The following RYR2 variants were observed in gnomAD, a reference collection of about 807,000 sequenced individuals.
RYR2 encodes the protein cardiac muscle ryanodine receptor-calcium release channel.
A neutral mutation model predicts 601.1 loss-of-function variants in RYR2; 227 were observed. The ratio of observed to expected loss-of-function variants is 0.38; its 90% CI spans 0.34 to 0.42. RYR2 has a LOEUF of 0.42. RYR2 is among the 10% of genes least tolerant of loss of function. The pLI, the probability that RYR2 is intolerant of heterozygous loss-of-function variation, is 1.00. For synonymous variants in RYR2, 2,223 were observed against 2,175.1 expected (o/e 1.02, Z -0.61); for missense variants, 4,646 against 6,156.5 (o/e 0.75, Z 8.21).
In RYR2 at chr1:237,727,202, CG is replaced by C; in HGVS notation, c.10838+5del. 1 of 1,424,092 alleles carries C rather than the reference CG, an allele frequency of 7.0e-7. No individual in the cohort carries two copies. The highest frequency in any genetic ancestry group is 9.6e-7 in the Non-Finnish European group (1 of 1,041,478). 88.2% of individuals were successfully genotyped at this position (1,424,092 alleles called of 1,614,324 possible). ...GCCCCCTTATATAATCTGCCAAGGT[CG>C]GAATTACTTTATTTTTTGTAATAGA... is the stretch of plus-strand genomic sequence containing the variant. On this transcript the variant is annotated splice_donor_region_variant and intron_variant, in intron 76 of 104. Coordinates refer to ENST00000366574, the MANE Select transcript of RYR2 (RefSeq NM_001035.3).
In RYR2 at chr1:237,301,049, T is replaced by C. The variant is rs961146221; in HGVS notation, c.169-29829T>C. Among the ~76,000 whole-genome samples, 6 of 152,140 alleles carry C rather than the reference T, an allele frequency of 3.9e-5. No homozygotes were observed. The South Asian group carries it at 1.2e-3, about 31-fold the overall frequency. On this transcript the variant is annotated intron_variant, in intron 2 of 104. Transcript: ENST00000366574. The stretch of plus-strand genomic sequence containing the variant: ...AGGAAGTTGTTGTATTATAAGTAGT[T>C]ATAGAAATTATGAACACATGGCTTT...
intron 1 of RYR2, among the ~76,000 whole-genome samples, chr1:237,065,783 A>T (rs1663529070): frequency 6.6e-6 from 1 of 152,224 alleles, no homozygotes; most frequent in African/African-American, 2.4e-5. Context: ...TCATGGTTCC[A>T]CAGGCTATAC....
At chr1:237,533,939 T>C (rs1174694031) in intron 25 of RYR2, among the ~76,000 whole-genome samples, 1 of 152,044 alleles carries the variant, frequency 6.6e-6, no homozygotes, top group Non-Finnish European at 1.5e-5. Context: ...TTTATAATGA[T>C]TTTTTAAAAT....
chr1:237,165,143 A>C (rs1361310955), intron 1 of RYR2, among the ~76,000 whole-genome samples: 1 of 151,266 alleles, frequency 6.6e-6, no homozygotes, highest in East Asian at 1.9e-4. Context: ...TTTTTTGTAG[A>C]GATGGGGTCT....
At chr1:237,798,275 A>G in intron 97 of RYR2, 105 bp downstream of exon 97, 2 of 1,038,218 alleles carry the variant, frequency 1.9e-6, no homozygotes, top group Non-Finnish European at 2.7e-6. Flanking sequence ...ATGTCAGAAG[A>G]ATAGATAGAT....
At position 237,209,833 on chromosome 1, in the gene RYR2, G is replaced by A. The variant is rs570623655; in HGVS notation, c.49-60664G>A. Among the ~76,000 whole-genome samples, 62 of 152,252 alleles carry A rather than the reference G, an allele frequency of 4.1e-4. 1 individual carries two copies. Among genetic ancestry groups the A allele is most frequent in the African/African-American group, 1.4e-3 (58 of 41,550 alleles). ...ATTGTGCCACTGCACTCCAGCCTAG[G>A]TGACAGAGCAAGATCTTGTCTCAAA... is the stretch of plus-strand genomic sequence containing the variant. On this transcript the variant is annotated intron_variant, in intron 1 of 104. Transcript: ENST00000366574.
intron 3 of RYR2, 85 bp from the exon 4 acceptor site, chr1:237,355,880 A>C: frequency 8.3e-7 from 1 of 1,210,168 alleles, no homozygotes; most frequent in South Asian, 1.3e-5. Flanking sequence ...GACCAAATTG[A>C]TATCAATTCA....
Position 237,667,975 on chromosome 1 carries a change from A to C in RYR2, c.8590+17A>C. ...AGTCCAAAGGTAATATTTTCTAAAA[A>C]CGTTTATTAAAAAATAATCTGAGCT... On this transcript the variant is annotated intron_variant, in intron 58 of 104. Transcript: ENST00000366574. 3 of 1,541,586 alleles carry C rather than the reference A, an allele frequency of 1.9e-6. No homozygotes were observed. The highest frequency in any genetic ancestry group is 2.6e-6 in the Non-Finnish European group (3 of 1,140,362).
intron 10 of RYR2, among the ~76,000 whole-genome samples, chr1:237,391,225 C>T (rs942981531): frequency 6.6e-5 from 10 of 151,998 alleles, no homozygotes; most frequent in East Asian, 5.8e-4. Flanking sequence ...TAGCTCACCC[C>T]GGAAGCAGCC....
At chr1:237,754,157 T>A (rs1048091595) in intron 80 of RYR2, among the ~76,000 whole-genome samples, 1 of 151,418 alleles carries the variant, frequency 6.6e-6, no homozygotes, top group Admixed American at 6.6e-5. Context: ...GCTCAATGTT[T>A]TTTTTTTTTT....
chr1:237,394,897 T>TA (rs1284859160), intron 10 of RYR2, among the ~76,000 whole-genome samples: 6 of 152,270 alleles, frequency 3.9e-5, no homozygotes, highest in Admixed American at 1.3e-4. Flanking sequence ...TCAGGAAACT[T>TA]ACAATCATGG....
At chr1:237,487,294 CATAAT>C (rs1399478131) in intron 17 of RYR2, among the ~76,000 whole-genome samples, 6 of 152,076 alleles carry the variant, frequency 3.9e-5, no homozygotes, top group Admixed American at 3.9e-4. Context: ...TAAATATACG[CATAAT>C]ATTGTATACC....
chr1:237,423,390 T>A, intron 12 of RYR2, 142 bp downstream of exon 12: 1 of 1,021,728 alleles, frequency 9.8e-7, no homozygotes, highest in Non-Finnish European at 1.4e-6. Context: ...TTCTCTTCCA[T>A]ACATTCCTCT....
chr1:237,783,224 A>G (rs576953976), intron 89 of RYR2, among the ~76,000 whole-genome samples: 20 of 152,300 alleles, frequency 1.3e-4, no homozygotes, highest in African/African-American at 4.8e-4. Context: ...TTGAACTTCA[A>G]TTTCCTCATC....
rs569431799 is a variant in RYR2, at chr1:237,791,958, C to T, written c.13564-147C>T. 18 of 630,162 alleles carry T rather than the reference C, an allele frequency of 2.9e-5. No homozygotes were observed. The Admixed American group carries it at 2.9e-4, about 10-fold the overall frequency. 39.0% of individuals were successfully genotyped at this position (630,162 alleles called of 1,614,324 possible). On this transcript the variant is annotated intron_variant, in intron 93 of 104. Coordinates refer to ENST00000366574, the MANE Select transcript of RYR2 (RefSeq NM_001035.3). ...TTGCCTTTGGTTTTTGAAAAGCTAT[C>T]GTTTTTAGCCTTTGCTATTAGTCCT...
At chr1:237,088,316 A>G (rs2385577) in intron 1 of RYR2, among the ~76,000 whole-genome samples, 2,828 of 152,304 alleles carry the variant, frequency 0.019, 86 homozygotes, top group African/African-American at 0.065. Flanking sequence ...ACCACCACTC[A>G]TGAATCTCAG....
chr1:237,309,811 G>A (rs951024823), intron 2 of RYR2, among the ~76,000 whole-genome samples: 1 of 152,324 alleles, frequency 6.6e-6, no homozygotes, highest in Admixed American at 6.5e-5. Context: ...TTTGAGCACA[G>A]CACCGGTGGG....
At chr1:237,591,408 G>A (rs943343141) in intron 31 of RYR2, among the ~76,000 whole-genome samples, 1 of 151,928 alleles carries the variant, frequency 6.6e-6, no homozygotes, top group Non-Finnish European at 1.5e-5. Flanking sequence ...TGATAAAGGC[G>A]GCAAGTTATT....
At chr1:237,126,105 CGG>C (rs1671381260) in intron 1 of RYR2, among the ~76,000 whole-genome samples, 1 of 152,120 alleles carries the variant, frequency 6.6e-6, no homozygotes, top group African/African-American at 2.4e-5. Context: ...GGCATGGTGG[CGG>C]GCGCCTGTAA....
Sources: gnomAD v4.1 joint callset for allele counts (sites outside exome capture counted in the v4.1 genomes callset) on GRCh38, gnomAD v4.1.1 for gene constraint, MANE v1.5 for transcripts, NCBI Gene and HGNC (gene_info 2026-07-23, HGNC 2026-07-21) for gene names.